The following SAFB2 variants were observed in gnomAD, a reference collection of about 807,000 sequenced individuals.
The protein encoded by SAFB2 is scaffold attachment factor B2.
A neutral mutation model predicts 100.6 loss-of-function variants in SAFB2; 32 were observed. The observed-to-expected ratio is 0.32, with a 90% CI of 0.24 to 0.43. The LOEUF (loss-of-function observed/expected upper bound fraction) is 0.43. Among genes scored for constraint, SAFB2 ranks in the 20% least tolerant of loss-of-function variants. The pLI is 1.00. For synonymous variants in SAFB2, 500 were observed against 439.4 expected (o/e 1.14, Z -1.72); for missense variants, 1,185 against 1,163.4 (o/e 1.02, Z -0.27).
chr19:5,596,685 TA>T (rs1373683087), intron 13 of SAFB2, among the ~76,000 whole-genome samples: 1 of 152,134 alleles, frequency 6.6e-6, no homozygotes, highest in Non-Finnish European at 1.5e-5. Context: ...CTCAGAGCTG[TA>T]ACAACTGACT....
chr19:5,603,771 A>G (rs1217079478), intron 11 of SAFB2, among the ~76,000 whole-genome samples: 1 of 152,208 alleles, frequency 6.6e-6, no homozygotes, highest in Non-Finnish European at 1.5e-5. Context: ...AAACACAGCA[A>G]TGCTTTTGCC....
chr19:5,615,313 C>T (rs1438335603), intron 4 of SAFB2, among the ~76,000 whole-genome samples: 1 of 152,110 alleles, frequency 6.6e-6, no homozygotes, highest in Admixed American at 6.5e-5. Context: ...CATAATCTTG[C>T]CACTGCACTC....
At chr19:5,615,784 G>T (rs1251867599) in intron 4 of SAFB2, among the ~76,000 whole-genome samples, 2 of 152,208 alleles carry the variant, frequency 1.3e-5, no homozygotes, top group Non-Finnish European at 2.9e-5. Flanking sequence ...GTGCCAATAA[G>T]CCCAGGTAGT....
In SAFB2 at chr19:5,609,985, G is replaced by A; in HGVS notation, c.1296+10C>T. 6.2e-7 allele frequency: 1 copy of A among 1,610,846 alleles called. No individual in the cohort carries two copies. The highest frequency in any genetic ancestry group is 8.5e-7 in the Non-Finnish European group (1 of 1,177,346). On this transcript the variant is annotated intron_variant, in intron 9 of 20. Transcript: ENST00000252542. ...TCACAGTGGATGGTATGAGGCAAGG[G>A]AAGGCATACCTTCCCATACTTGCTG...
intron 8 of SAFB2, 43 bp downstream of exon 8, chr19:5,610,596 G>T: frequency 1.4e-6 from 2 of 1,442,698 alleles, no homozygotes; most frequent in African/African-American, 1.4e-5. Flanking sequence ...CCCAAAATAA[G>T]GGAACCATAC....
chr19:5,594,313 T>A (rs920358202), intron 14 of SAFB2, 135 bp from the exon 15 acceptor site: 1 of 1,093,692 alleles, frequency 9.1e-7, no homozygotes, highest in African/African-American at 1.6e-5. Flanking sequence ...TCCCTAAAGC[T>A]GCGCGTGCAG....
intron 15 of SAFB2, 104 bp downstream of exon 15, chr19:5,593,787 T>A: frequency 8.1e-7 from 1 of 1,228,024 alleles, no homozygotes; most frequent in Non-Finnish European, 1.1e-6. Flanking sequence ...CAAATTTCAT[T>A]CTCCCCACCG....
At chr19:5,622,308 G>A (rs144782112) in intron 1 of SAFB2, among the ~76,000 whole-genome samples, 1 of 152,330 alleles carries the variant, frequency 6.6e-6, no homozygotes, top group African/African-American at 2.4e-5. Flanking sequence ...GAGCGCGCTT[G>A]AGGAGAAAAG....
At position 5,587,281 on chromosome 19, in the gene SAFB2, G is replaced by A; in HGVS notation, c.2824C>T (p.His942Tyr). 1.2e-6 allele frequency: 2 copies of A among 1,613,146 alleles called. No homozygotes were observed. Among genetic ancestry groups the A allele is most frequent in the South Asian group, 1.1e-5 (1 of 91,004 alleles). ...GTGAAGTGGGGGTACGGGGGGGGAT[G>A]AGGGTGTGGGTGAGGGACTCTGCTG... Reference protein sequence around the residue: ...RGSRVPHPHPHPPPYPHFTRR... With the variant: ...RGSRVPHPHPYPPPYPHFTRR... The change falls in exon 21 of 21, where the codon CAT becomes TAT. Residue 942 changes from histidine (H) to tyrosine (Y), a missense_variant. His to Tyr is a moderately conservative substitution (Grantham distance 83, BLOSUM62 2). Around this residue, in one of 3 missense-constraint regions of SAFB2, gnomAD observed 740 missense variants for 687.1 expected, o/e 1.08. Coordinates refer to ENST00000252542, the MANE Select transcript of SAFB2 (RefSeq NM_014649.3). This position sits in a 1 kb window ranked among gnomAD's most constrained non-coding sequence, Gnocchi z 4.9.
At chr19:5,621,459 C>A (rs757448390) in intron 1 of SAFB2, 63 bp from the exon 2 acceptor site, 28 of 1,034,894 alleles carry the variant, frequency 2.7e-5, no homozygotes, top group Non-Finnish European at 3.8e-5. Flanking sequence ...CTGTTCCTTA[C>A]AAGTAACAAC....
At position 5,591,774 on chromosome 19, in the gene SAFB2, T is replaced by C. The variant is rs752463448; in HGVS notation, c.2368A>G (p.Met790Val). ...TGCCCATCCCGGTGGTCTCCCATCA[T>C]TGGCCTCGAACCCTCCCGCCTGCAA... The part of the protein sequence containing the change: ...AIDRREGSRP[M>V]MGDHRDGQHY... The change falls in exon 17 of 21, where the codon ATG becomes GTG. Residue 790 changes from methionine (M) to valine (V), a missense_variant. This residue lies in a region of SAFB2 where 740 missense variants were observed against 687.1 expected (regional missense o/e 1.08). Transcript: ENST00000252542. 2.4e-5 allele frequency: 39 copies of C among 1,613,668 alleles called. No homozygotes were observed. The highest frequency in any genetic ancestry group is 1.0e-4 in the Admixed American group (6 of 59,944).
chr19:5,610,033 C>T lies in SAFB2; in HGVS notation c.1258G>A (p.Ala420Thr), dbSNP rs1343808022. 1 of 1,614,112 alleles carries T rather than the reference C, an allele frequency of 6.2e-7. No individual in the cohort carries two copies. Among genetic ancestry groups the T allele is most frequent in the Non-Finnish European group, 8.5e-7 (1 of 1,180,032 alleles). ...WVSGLSSTTR[A>T]TDLKNLFSKY... ...CTGAAAAGGTTCTTGAGATCCGTAGCGCGTGTTGTGGAGGACAGCCCGCTG... is the reference window on the plus strand; with the variant it reads ...CTGAAAAGGTTCTTGAGATCCGTAGTGCGTGTTGTGGAGGACAGCCCGCTG... Residue 420 changes from alanine (A) to threonine (T), a missense_variant, in exon 9 of 21, where the codon GCT becomes ACT. This residue lies in a region of SAFB2 where 94 missense variants were observed against 135.1 expected (regional missense o/e 0.70). Coordinates refer to ENST00000252542, the MANE Select transcript of SAFB2 (RefSeq NM_014649.3).
Position 5,604,787 on chromosome 19 carries a change from C to T in SAFB2, c.1446G>A (p.Lys482=), listed in dbSNP as rs2052738370. 6.2e-7 allele frequency: 1 copy of T among 1,614,060 alleles called. No homozygotes were observed. The highest frequency in any genetic ancestry group is 8.5e-7 in the Non-Finnish European group (1 of 1,179,918). The change falls in exon 10 of 21, where the codon AAG becomes AAA. Residue 482 remains lysine (K), a splice_region_variant and synonymous_variant. Transcript: ENST00000252542. ...TTACCATAGACGAGAACTGCCTCAC[C>T]TTCTCTACGGAGATCATTCGTCCAT... ...ELHGRMISVE[K]AKNEPAGKKL...
Position 5,593,918 on chromosome 19 carries a change from G to A in SAFB2, c.2180C>T (p.Pro727Leu), listed in dbSNP as rs770640751. The A allele has an allele frequency of 6.5e-7, 1 of 1,528,972 alleles. No individual in the cohort carries two copies. The highest frequency in any genetic ancestry group is 1.4e-5 in the African/African-American group (1 of 71,662). The allele number at this position is 1,528,972 out of a possible 1,614,324, so 94.7% of individuals were successfully genotyped here. A position where few individuals can be genotyped will look rare whatever the true frequency, so the allele number is the denominator to read the frequency against. Residue 727 changes from proline (P) to leucine (L), a missense_variant, in exon 15 of 21, where the codon CCC becomes CTC. Coordinates refer to ENST00000252542, the MANE Select transcript of SAFB2 (RefSeq NM_014649.3). ...GTCCAGGTCGTAGGGCCTCCGCCCGGGCCGCCGCTCCTGCTCGTAACGCAG... is the reference window on the plus strand; with the variant it reads ...GTCCAGGTCGTAGGGCCTCCGCCCGAGCCGCCGCTCCTGCTCGTAACGCAG... ...EQLRYEQERR[P>L]GRRPYDLDRR... is the part of the protein sequence containing the mutation.
Position 5,616,485 on chromosome 19 carries a change from T to A in SAFB2, c.276A>T (p.Gly92=). The change falls in exon 3 of 21, where the codon GGA becomes GGT. Residue 92 remains glycine (G), a splice_region_variant and synonymous_variant. Coordinates refer to ENST00000252542, the MANE Select transcript of SAFB2 (RefSeq NM_014649.3). ...CTGTGCCTTCCTCCTCCATCTTCAG[T>A]CCTAATTACAGAATAATTGTTCAAT... ...SKKSAKRCVK[G]LKMEEEGTED... 2 of 1,613,326 alleles carry A rather than the reference T, an allele frequency of 1.2e-6. No individual in the cohort carries two copies. The highest frequency in any genetic ancestry group is 1.7e-6 in the Non-Finnish European group (2 of 1,179,386).
chr19:5,617,356 G>A (rs985388323), intron 2 of SAFB2, among the ~76,000 whole-genome samples: 1 of 152,036 alleles, frequency 6.6e-6, no homozygotes, highest in Non-Finnish European at 1.5e-5. Context: ...ATAACTATTT[G>A]ATAGAATTCT....
intron 8 of SAFB2, 112 bp downstream of exon 8, chr19:5,610,527 G>A (rs1441693480): frequency 2.5e-6 from 2 of 784,348 alleles, no homozygotes; most frequent in Non-Finnish European, 4.2e-6. Context: ...GTTGATTCCG[G>A]TAACCCATAA....
intron 2 of SAFB2, among the ~76,000 whole-genome samples, chr19:5,617,043 A>G (rs1406988650): frequency 1.3e-5 from 2 of 152,140 alleles, no homozygotes; most frequent in African/African-American, 4.8e-5. Flanking sequence ...AAAATATCTA[A>G]AAGTTTCCAA....
intron 13 of SAFB2, 75 bp downstream of exon 13, chr19:5,598,718 C>T (rs2052586726): frequency 1.5e-6 from 2 of 1,372,442 alleles, no homozygotes; most frequent in South Asian, 2.3e-5. Flanking sequence ...GTGCTGTTTT[C>T]ATAATGCGGA....
Sources: allele counts gnomAD v4.1 joint callset (sites outside exome capture counted in the v4.1 genomes callset), GRCh38; gene constraint gnomAD v4.1.1; regional missense constraint gnomAD v4.1.1; non-coding constraint Gnocchi (gnomAD v3.1); transcripts MANE v1.5; gene names NCBI Gene and HGNC (gene_info 2026-07-23, HGNC 2026-07-21).